Variants in EGR3 observed in about 807,000 individuals in gnomAD.
The protein encoded by EGR3 is early growth response protein 3.
Under a neutral mutation model 22.4 loss-of-function variants are expected in EGR3, and 4 were observed. That is an observed-to-expected ratio of 0.18 (90% CI 0.09 to 0.41). EGR3 has a LOEUF of 0.41. Ranked by LOEUF, EGR3 falls within the 10% of genes least tolerant of loss-of-function variation. The pLI is 1.00. For missense variants in EGR3, 315 were observed against 541.3 expected (o/e 0.58, Z 4.15); for synonymous variants, 219 against 226.8 (o/e 0.97, Z 0.31).
In EGR3 at chr8:22,688,171, A is replaced by G. The variant is rs1001054016; in HGVS notation, c.*2302T>C. 2 of 152,428 alleles carry G rather than the reference A, an allele frequency of 1.3e-5. No individual in the cohort carries two copies. Among genetic ancestry groups the G allele is most frequent in the East Asian group, 3.8e-4 (2 of 5,202 alleles). The allele number at this position is 152,428 out of a possible 1,614,324, so 9.4% of individuals were successfully genotyped here. A position where few individuals can be genotyped will look rare whatever the true frequency, so the allele number is the denominator to read the frequency against. On this transcript the variant is annotated 3_prime_UTR_variant, in exon 2 of 2. Transcript: ENST00000317216. ...ACATATAAAAAATCTGGATAGCACA[A>G]CCTTTTGGCAACAAAGTTATTTTTC...
intron 1 of EGR3, 77 bp from the exon 2 acceptor site, chr8:22,691,559 C>T (rs1251495916): frequency 1.9e-6 from 3 of 1,556,552 alleles, no homozygotes; most frequent in African/African-American, 1.4e-5. Context: ...AGGTCCTTGC[C>T]CAGGTGCGGA....
Position 22,692,364 on chromosome 8 carries a change from TA to T in EGR3, c.154+426del. Reference sequence around the variant, plus strand: ...CATCCCGGGTGGGAGGCTGAGGGAGTAAGGGGGGAGAGCGCGGGTGAAAAAG... The same window carrying T: ...CATCCCGGGTGGGAGGCTGAGGGAGTAGGGGGGAGAGCGCGGGTGAAAAAG... On this transcript the variant is annotated intron_variant, in intron 1 of 1. Transcript: ENST00000317216. The surrounding 1 kb of genome is among the most constrained non-coding windows in gnomAD (Gnocchi z 6.2). 1 of 1,479,330 alleles carries T rather than the reference TA, an allele frequency of 6.8e-7. No individual in the cohort carries two copies. Among genetic ancestry groups the T allele is most frequent in the South Asian group, 1.3e-5 (1 of 77,406 alleles). The allele number at this position is 1,479,330 out of a possible 1,614,324, so 91.6% of individuals were successfully genotyped here. A position where few individuals can be genotyped will look rare whatever the true frequency, so the allele number is the denominator to read the frequency against.
In EGR3 at chr8:22,692,255, AC is replaced by A; in HGVS notation, c.154+535del. The A allele has an allele frequency of 6.9e-7, 1 of 1,444,952 alleles. No individual in the cohort carries two copies. The highest frequency in any genetic ancestry group is 9.1e-7 in the Non-Finnish European group (1 of 1,101,474). 89.5% of individuals were successfully genotyped at this position (1,444,952 alleles called of 1,614,324 possible). A position where few individuals can be genotyped will look rare whatever the true frequency, so the allele number is the denominator to read the frequency against. On this transcript the variant is annotated intron_variant, in intron 1 of 1. Coordinates refer to ENST00000317216, the MANE Select transcript of EGR3 (RefSeq NM_004430.3). This position sits in a 1 kb window ranked among gnomAD's most constrained non-coding sequence, Gnocchi z 6.2. ...CCCTCCTTCTCCCCGCCGTCCCCAC[AC>A]CCCCACGGCTTTGCTGAACGCCCCG...
chr8:22,692,696 TC>T lies in EGR3; in HGVS notation c.154+94del, dbSNP rs1804012480. The T allele has an allele frequency of 6.7e-7, 1 of 1,502,234 alleles. No individual in the cohort carries two copies. The highest frequency in any genetic ancestry group is 2.4e-5 in the East Asian group (1 of 42,468). 93.1% of individuals were successfully genotyped at this position (1,502,234 alleles called of 1,614,324 possible). A position where few individuals can be genotyped will look rare whatever the true frequency, so the allele number is the denominator to read the frequency against. On this transcript the variant is annotated intron_variant, in intron 1 of 1. Coordinates refer to ENST00000317216, the MANE Select transcript of EGR3 (RefSeq NM_004430.3). The surrounding 1 kb of genome is among the most constrained non-coding windows in gnomAD (Gnocchi z 6.2). ...ATCCACCCATCCATCCATCCATCCA[TC>T]CATCCATCCATCCATCCATCACCAG...
chr8:22,691,112 A>G lies in EGR3; in HGVS notation c.525T>C (p.Asp175=), dbSNP rs780687434. 1.2e-6 allele frequency: 2 copies of G among 1,613,854 alleles called. No homozygotes were observed. Among genetic ancestry groups the G allele is most frequent in the South Asian group, 1.1e-5 (1 of 91,078 alleles). Residue 175 remains aspartate (D), a synonymous_variant, in exon 2 of 2, where the codon GAT becomes GAC. Transcript: ENST00000317216. ...CCAACGCCGGCTTGGCCGATTGGTA[A>G]TCCTGGGGGGAATAGGCGAGCCCGG... ...GNPGLAYSPQ[D]YQSAKPALDS... is the part of the protein sequence containing the mutation.
rs1563180655 is a variant in EGR3 at position 22,688,124 on chromosome 8, C to A, written c.*2349G>T. The A allele has an allele frequency of 6.9e-6, 1 of 144,510 alleles. No individual in the cohort carries two copies. The highest frequency in any genetic ancestry group is 1.5e-5 in the Non-Finnish European group (1 of 65,414). The allele number at this position is 144,510 out of a possible 1,614,324, so 9.0% of individuals were successfully genotyped here. On this transcript the variant is annotated 3_prime_UTR_variant, in exon 2 of 2. Transcript: ENST00000317216. ...AGTTAGAGTGCATTTTCTTTTGTTGCTTTTTTTTTTTAAACATGCAGACAT... is the reference window on the plus strand; with the variant it reads ...AGTTAGAGTGCATTTTCTTTTGTTGATTTTTTTTTTTAAACATGCAGACAT...
intron 1 of EGR3, chr8:22,691,779 G>A: frequency 1.2e-5 from 12 of 985,402 alleles, no homozygotes; most frequent in Non-Finnish European, 1.4e-5. Flanking sequence ...AAGCATTGTT[G>A]TTCTTCCCGA....
At position 22,692,008 on chromosome 8, in the gene EGR3, G is replaced by T. The variant is rs937484192; in HGVS notation, c.155-526C>A. 8 of 1,290,734 alleles carry T rather than the reference G, an allele frequency of 6.2e-6. No homozygotes were observed. In the African/African-American group the frequency reaches 1.1e-4, roughly 17 times the overall value. 80.0% of individuals were successfully genotyped at this position (1,290,734 alleles called of 1,614,324 possible). ...TGTCCTCGGAGCGTAGAAGGGTGTC[G>T]CCCTCAAAGGGAGCTCTCCCTTCAC... On this transcript the variant is annotated intron_variant, in intron 1 of 1. Transcript: ENST00000317216. The surrounding 1 kb of genome is among the most constrained non-coding windows in gnomAD (Gnocchi z 6.2).
rs1406023696 is a variant in EGR3 at position 22,693,193 on chromosome 8, G to T, written c.-249C>A. On this transcript the variant is annotated 5_prime_UTR_variant, in exon 1 of 2. Transcript: ENST00000317216. ...CCTCTTGGGTGCCTCAGCTGGTGCG[G>T]TATGAGGCTGGGTCGTGGGGGGGGT... 3.7e-6 allele frequency: 1 copy of T among 267,330 alleles called. No individual in the cohort carries two copies. Among genetic ancestry groups the T allele is most frequent in the African/African-American group, 2.5e-5 (1 of 40,692 alleles). The allele number at this position is 267,330 out of a possible 1,614,324, so 16.6% of individuals were successfully genotyped here.
Position 22,690,508 on chromosome 8 carries a change from CG to C in EGR3, c.1128del (p.Val377CysfsTer31). On this transcript the variant is annotated frameshift_variant, in exon 2 of 2. Coordinates refer to ENST00000317216, the MANE Select transcript of EGR3 (RefSeq NM_004430.3). LOFTEE classifies it high-confidence loss of function. ...GTGGTGACCACGGGGGCCAGCGACA[CG>C]GGGGGCGCCGAGGATGCAGAGGGTG... ...GGAPSASSAPPVSLAPVVTTC... is the reference protein window; with the variant it reads ...GGAPSASSAPXVSLAPVVTTC... The C allele has an allele frequency of 6.2e-7, 1 of 1,609,628 alleles. No individual in the cohort carries two copies.
At position 22,692,702 on chromosome 8, in the gene EGR3, C is replaced by CATCT. The variant is rs972744719; in HGVS notation, c.154+88_154+89insAGAT. The CATCT allele has an allele frequency of 6.5e-7, 1 of 1,527,650 alleles. No individual in the cohort carries two copies. Among genetic ancestry groups the CATCT allele is most frequent in the African/African-American group, 1.4e-5 (1 of 73,414 alleles). 94.6% of individuals were successfully genotyped at this position (1,527,650 alleles called of 1,614,324 possible). The stretch of plus-strand genomic sequence containing the variant: ...CCATCCATCCATCCATCCATCCATC[C>CATCT]ATCCATCCATCCATCACCAGGTCGT... On this transcript the variant is annotated intron_variant, in intron 1 of 1. Coordinates refer to ENST00000317216, the MANE Select transcript of EGR3 (RefSeq NM_004430.3). This position sits in a 1 kb window ranked among gnomAD's most constrained non-coding sequence, Gnocchi z 6.2.
rs1161613011 is a variant in EGR3, at chr8:22,688,348, T to A, written c.*2125A>T. 6.5e-6 allele frequency: 1 copy of A among 152,674 alleles called. No homozygotes were observed. Among genetic ancestry groups the A allele is most frequent in the Non-Finnish European group, 1.5e-5 (1 of 68,036 alleles). 9.5% of individuals were successfully genotyped at this position (152,674 alleles called of 1,614,324 possible). On this transcript the variant is annotated 3_prime_UTR_variant, in exon 2 of 2. Transcript: ENST00000317216. ...CTAGCTTGGAAGTGACCAAAATTTT[T>A]GCTTTTTTAATAATCATCACATTAT...
In EGR3 at chr8:22,692,937, C is replaced by A; in HGVS notation, c.8G>T (p.Gly3Val). 1 of 1,611,028 alleles carries A rather than the reference C, an allele frequency of 6.2e-7. No individual in the cohort carries two copies. The highest frequency in any genetic ancestry group is 1.1e-5 in the South Asian group (1 of 90,974). Residue 3 changes from glycine to valine, a missense_variant, in exon 1 of 2, where the codon GGC (glycine) becomes GTC (valine). Transcript: ENST00000317216. This position sits in a 1 kb window ranked among gnomAD's most constrained non-coding sequence, Gnocchi z 6.2. ...CACCGGCAGCTTCTCGGCGAGTTTG[C>A]CGGTCATAGCACTCCCGAGCTGCCG... MTGKLAEKLPVTM... is the reference protein window; with the variant it reads MTVKLAEKLPVTM...
At position 22,690,504 on chromosome 8, in the gene EGR3, G is replaced by T. The variant is rs1803909692; in HGVS notation, c.1133C>A (p.Ser378Ter). 6.2e-7 allele frequency: 1 copy of T among 1,608,998 alleles called. No individual in the cohort carries two copies. The change falls in exon 2 of 2, where the codon TCG (serine) becomes TAG (stop). Residue 378 changes from serine (S) to a stop codon, truncating the protein, a stop_gained. Coordinates refer to ENST00000317216, the MANE Select transcript of EGR3 (RefSeq NM_004430.3). LOFTEE classifies it high-confidence loss of function. The stretch of plus-strand genomic sequence containing the variant: ...GCAGGTGGTGACCACGGGGGCCAGC[G>T]ACACGGGGGGCGCCGAGGATGCAGA... ...APSASSAPPVSLAPVVTTCA is the reference protein window; with the variant it reads ...APSASSAPPV
At chr8:22,691,838 C>T (rs538635123) in intron 1 of EGR3, 1 of 985,422 alleles carries the variant, frequency 1.0e-6, no homozygotes, top group East Asian at 1.1e-4. Flanking sequence ...AGACCCGGAG[C>T]GCGCTGGGCT....
chr8:22,692,159 A>C lies in EGR3; in HGVS notation c.154+632T>G. The C allele has an allele frequency of 7.3e-7, 1 of 1,376,616 alleles. No individual in the cohort carries two copies. Among genetic ancestry groups the C allele is most frequent in the Non-Finnish European group, 9.3e-7 (1 of 1,069,616 alleles). The allele number at this position is 1,376,616 out of a possible 1,614,324, so 85.3% of individuals were successfully genotyped here. On this transcript the variant is annotated intron_variant, in intron 1 of 1. Coordinates refer to ENST00000317216, the MANE Select transcript of EGR3 (RefSeq NM_004430.3). The surrounding 1 kb of genome is among the most constrained non-coding windows in gnomAD (Gnocchi z 6.2). The stretch of plus-strand genomic sequence containing the variant: ...CCGGCCGGTGTCTCCATGGCGGGAG[A>C]GGCCGCCCTTCCCCAGCTCCCCGGC...
rs888079542 is a variant in EGR3 at position 22,693,063 on chromosome 8, G to A, written c.-119C>T. The stretch of plus-strand genomic sequence containing the variant: ...TCCGTGGTGCAGGGGAAAAGCATGC[G>A]AGAGGGAAAGTTCGGGGGGAGGGGG... On this transcript the variant is annotated 5_prime_UTR_variant, in exon 1 of 2. Coordinates refer to ENST00000317216, the MANE Select transcript of EGR3 (RefSeq NM_004430.3). 5 of 1,049,676 alleles carry A rather than the reference G, an allele frequency of 4.8e-6. No individual in the cohort carries two copies. Among genetic ancestry groups the A allele is most frequent in the East Asian group, 4.4e-5 (1 of 22,698 alleles). The allele number at this position is 1,049,676 out of a possible 1,614,324, so 65.0% of individuals were successfully genotyped here. A position where few individuals can be genotyped will look rare whatever the true frequency, so the allele number is the denominator to read the frequency against.
Position 22,692,339 on chromosome 8 carries a change from C to T in EGR3, c.154+452G>A. ...GGGGACTCCACGCCGCACATGGCTCCATCCCGGGTGGGAGGCTGAGGGAGT... is the reference window on the plus strand; with the variant it reads ...GGGGACTCCACGCCGCACATGGCTCTATCCCGGGTGGGAGGCTGAGGGAGT... On this transcript the variant is annotated intron_variant, in intron 1 of 1. Coordinates refer to ENST00000317216, the MANE Select transcript of EGR3 (RefSeq NM_004430.3). The surrounding 1 kb of genome is among the most constrained non-coding windows in gnomAD (Gnocchi z 6.2). The T allele has an allele frequency of 6.6e-7, 1 of 1,507,840 alleles. No individual in the cohort carries two copies. Among genetic ancestry groups the T allele is most frequent in the Non-Finnish European group, 8.8e-7 (1 of 1,136,134 alleles). The allele number at this position is 1,507,840 out of a possible 1,614,324, so 93.4% of individuals were successfully genotyped here. A position where few individuals can be genotyped will look rare whatever the true frequency, so the allele number is the denominator to read the frequency against.
chr8:22,691,129 C>A lies in EGR3; in HGVS notation c.508G>T (p.Ala170Ser). Residue 170 changes from alanine (A) to serine (S), a missense_variant, in exon 2 of 2, where the codon GCC (alanine) becomes TCC (serine). Physicochemically the swap from Ala to Ser is moderately conservative, Grantham distance 99. Around this residue, in one of 4 missense-constraint regions of EGR3, gnomAD observed 227 missense variants for 303.6 expected, o/e 0.75. Transcript: ENST00000317216. ...GATTGGTAATCCTGGGGGGAATAGG[C>A]GAGCCCGGGATTGCCCTGGGGGTCG... ...FHDPQGNPGL[A>S]YSPQDYQSAK... is the part of the protein sequence containing the mutation. The A allele has an allele frequency of 1.2e-6, 2 of 1,614,012 alleles. No individual in the cohort carries two copies. Among genetic ancestry groups the A allele is most frequent in the Non-Finnish European group, 1.7e-6 (2 of 1,180,012 alleles).
Sources: gnomAD v4.1 joint callset for allele counts on GRCh38, gnomAD v4.1.1 for gene constraint, gnomAD v4.1.1 regional missense constraint, Gnocchi (gnomAD v3.1) non-coding constraint, MANE v1.5 for transcripts, NCBI Gene and HGNC (gene_info 2026-07-23, HGNC 2026-07-21) for gene names.